The following GRM5 variants were observed in gnomAD, a reference collection of about 807,000 sequenced individuals.
GRM5 encodes the protein metabotropic glutamate receptor 5.
A neutral mutation model predicts 83.1 loss-of-function variants in GRM5; 19 were observed. That is an observed-to-expected ratio of 0.23 (90% CI 0.16 to 0.34). GRM5 has a LOEUF of 0.34. Ranked by LOEUF, GRM5 falls within the 10% of genes least tolerant of loss-of-function variation. The pLI is 1.00. For synonymous variants in GRM5, 675 were observed against 633.6 expected, an observed-to-expected ratio of 1.07 and a Z score of -0.98; for missense variants, 1,160 against 1,588.3, an observed-to-expected ratio of 0.73 and a Z score of 4.58.
intron 8 of GRM5, among the ~76,000 whole-genome samples, chr11:88,548,393 A>G (rs2135142900): frequency 6.6e-6 from 1 of 152,296 alleles, no homozygotes; most frequent in South Asian, 2.1e-4. Context: ...AAACATTTCA[A>G]TCAAATTTAA....
At chr11:88,991,418 G>A (rs999162662) in intron 2 of GRM5, among the ~76,000 whole-genome samples, 47 of 152,060 alleles carry the variant, frequency 3.1e-4, no homozygotes, top group South Asian at 1.2e-3. Flanking sequence ...AATCAATATC[G>A]TGAAAACGGC....
intron 2 of GRM5, among the ~76,000 whole-genome samples, chr11:88,929,129 C>A (rs953124864): frequency 2.0e-5 from 3 of 152,006 alleles, no homozygotes; most frequent in African/African-American, 7.2e-5. Context: ...TACTGTTGCT[C>A]AAAAATTAGA....
rs549010205 is a variant in GRM5 at position 88,701,602 on chromosome 11, A to ATAGT, written c.912-48203_912-48200dup. On this transcript the variant is annotated intron_variant, in intron 3 of 9. Coordinates refer to ENST00000305447, the MANE Select transcript of GRM5 (RefSeq NM_001143831.3). ...CTTTGAGCAGCTATTTCTAGTACAG[A>ATAGT]TAGTTAGGTCATGATTCTGTCTTAT... is the stretch of plus-strand genomic sequence containing the variant. Among the ~76,000 whole-genome samples the ATAGT allele has an allele frequency of 1.5e-4, 23 of 152,232 alleles. No homozygotes were observed. The South Asian group carries it at 3.7e-3, about 25-fold the overall frequency.
intron 2 of GRM5, among the ~76,000 whole-genome samples, chr11:89,006,098 G>A (rs902863894): frequency 1.3e-5 from 2 of 152,162 alleles, no homozygotes; most frequent in African/African-American, 4.8e-5. Context: ...GTTATAACAT[G>A]TAAAAAGCAC....
chr11:88,511,868 G>A (rs1941380030), intron 9 of GRM5: 1 of 152,200 alleles, frequency 6.6e-6, no homozygotes, highest in Non-Finnish European at 1.5e-5. Context: ...TAAGAAACAG[G>A]TGTTTCGAAA....
intron 2 of GRM5, among the ~76,000 whole-genome samples, chr11:88,900,500 A>C (rs1945296801): frequency 6.6e-6 from 1 of 152,196 alleles, no homozygotes; most frequent in African/African-American, 2.4e-5. Flanking sequence ...ACTAAAACTG[A>C]AAATATTATA....
intron 5 of GRM5, among the ~76,000 whole-genome samples, chr11:88,603,200 A>C (rs1938047011): frequency 6.6e-6 from 1 of 152,238 alleles, no homozygotes; most frequent in Admixed American, 6.5e-5. Flanking sequence ...TAAGGTAGCG[A>C]TGTTCTGCCA....
At chr11:88,921,074 T>G (rs1336904915) in intron 2 of GRM5, among the ~76,000 whole-genome samples, 4 of 19,806 alleles carry the variant, frequency 2.0e-4, no homozygotes, top group Non-Finnish European at 6.7e-4. Context: ...AAAAGACCAC[T>G]GCGTTTTTTT....
At chr11:88,591,005 TTAAG>T (rs1013476569) in intron 6 of GRM5, among the ~76,000 whole-genome samples, 38 of 152,166 alleles carry the variant, frequency 2.5e-4, no homozygotes, top group African/African-American at 9.2e-4. Flanking sequence ...CTGTATTTAA[TTAAG>T]TACCTGTGCT....
At chr11:88,714,172 T>C (rs1941348082) in intron 3 of GRM5, among the ~76,000 whole-genome samples, 1 of 152,030 alleles carries the variant, frequency 6.6e-6, no homozygotes, top group African/African-American at 2.4e-5. Flanking sequence ...GAATAACTTT[T>C]GGAGAAACTT....
chr11:88,642,918 G>C (rs903466651), intron 4 of GRM5, among the ~76,000 whole-genome samples: 1 of 151,974 alleles, frequency 6.6e-6, no homozygotes, highest in Non-Finnish European at 1.5e-5. Flanking sequence ...TTATCTTCCT[G>C]TCTTTTCCTG....
rs953146633 is a variant in GRM5, at chr11:88,508,884, T to C, written c.3347A>G (p.Gln1116Arg). The C allele has an allele frequency of 9.4e-6, 15 of 1,593,966 alleles. No individual in the cohort carries two copies. The African/African-American group carries it at 2.0e-4, about 22-fold the overall frequency. ...CGTGACTTCGATGGCCGGCAGAGGC[T>C]GGATTTCGGCAAAGGTCGTCATGGT... ...PTTMTTFAEIQPLPAIEVTGG... is the reference protein window; with the variant it reads ...PTTMTTFAEIRPLPAIEVTGG... The change falls in exon 10 of 10, where the codon CAG becomes CGG. Residue 1116 changes from glutamine to arginine, a missense_variant. By Grantham distance (43) the Gln-to-Arg change is conservative. Coordinates refer to ENST00000305447, the MANE Select transcript of GRM5 (RefSeq NM_001143831.3). The surrounding 1 kb of genome is among the most constrained non-coding windows in gnomAD (Gnocchi z 4.2).
chr11:89,009,888 G>A (rs1444243407), intron 2 of GRM5, among the ~76,000 whole-genome samples: 2 of 94,280 alleles, frequency 2.1e-5, no homozygotes, highest in Non-Finnish European at 1.8e-5. Flanking sequence ...GCGACAGAGC[G>A]AGACTCCGTC....
intron 3 of GRM5, among the ~76,000 whole-genome samples, chr11:88,712,562 A>C (rs1024250735): frequency 6.6e-6 from 1 of 152,030 alleles, no homozygotes; most frequent in African/African-American, 2.4e-5. Context: ...ACTTGCATGG[A>C]AATAAGGTAG....
At chr11:88,788,083 G>C (rs1943106990) in intron 3 of GRM5, among the ~76,000 whole-genome samples, 1 of 152,036 alleles carries the variant, frequency 6.6e-6, no homozygotes, top group South Asian at 2.1e-4. Context: ...TATCCTGCTG[G>C]GCTTACCAGC....
intron 3 of GRM5, among the ~76,000 whole-genome samples, chr11:88,715,526 T>C (rs1941381818): frequency 6.6e-6 from 1 of 152,012 alleles, no homozygotes; most frequent in Non-Finnish European, 1.5e-5. Context: ...CCCTGGATTA[T>C]TCTACAACGA....
At chr11:89,031,471 G>T (rs1170898923) in intron 2 of GRM5, among the ~76,000 whole-genome samples, 5 of 151,666 alleles carry the variant, frequency 3.3e-5, no homozygotes, top group Non-Finnish European at 2.9e-5. Flanking sequence ...GACTCTGAGG[G>T]CTCCCAAACT....
At chr11:88,584,858 T>A (rs1943283362) in intron 7 of GRM5, among the ~76,000 whole-genome samples, 1 of 152,346 alleles carries the variant, frequency 6.6e-6, no homozygotes, top group South Asian at 2.1e-4. Context: ...CTGGTTTTGT[T>A]CATAGAAATA....
At chr11:88,840,783 A>C (rs1385563458) in intron 3 of GRM5, among the ~76,000 whole-genome samples, 1 of 152,070 alleles carries the variant, frequency 6.6e-6, no homozygotes. Context: ...TGAATTAGAG[A>C]CTTTGTGTCT....
Sources: allele counts gnomAD v4.1 joint callset (sites outside exome capture counted in the v4.1 genomes callset), GRCh38; gene constraint gnomAD v4.1.1; non-coding constraint Gnocchi (gnomAD v3.1); transcripts MANE v1.5; gene names NCBI Gene and HGNC (gene_info 2026-07-23, HGNC 2026-07-21).